Variants in KDM3A observed in about 807,000 individuals in gnomAD.
The protein encoded by KDM3A is lysine-specific demethylase 3A.
A neutral mutation model predicts 158.0 loss-of-function variants in KDM3A; 60 were observed. The observed-to-expected ratio is 0.38, with a 90% CI of 0.31 to 0.47. The LOEUF (loss-of-function observed/expected upper bound fraction) is 0.47. Among genes scored for constraint, KDM3A ranks in the 20% least tolerant of loss-of-function variants. KDM3A has a pLI of 0.99. For synonymous variants in KDM3A, 608 were observed against 549.3 expected (o/e 1.11, Z -1.49); for missense variants, 1,319 against 1,574.3 (o/e 0.84, Z 2.74).
chr2:86,470,290 T>TG lies in KDM3A; in HGVS notation c.1607dup (p.Cys536TrpfsTer10). The stretch of plus-strand genomic sequence containing the variant: ...CGAGGCCTTCGTACAGGATGATTCT[T>TG]GTGTGAACATCGTGGCACAGTTGCC... On this transcript the variant is annotated frameshift_variant, in exon 11 of 26. Coordinates refer to ENST00000312912, the MANE Select transcript of KDM3A (RefSeq NM_018433.6). LOFTEE classifies it high-confidence loss of function. 2 of 1,614,150 alleles carry TG rather than the reference T, an allele frequency of 1.2e-6. No homozygotes were observed. Among genetic ancestry groups the TG allele is most frequent in the Non-Finnish European group, 1.7e-6 (2 of 1,179,986 alleles).
chr2:86,476,100 C>G (rs898221536), intron 12 of KDM3A, among the ~76,000 whole-genome samples: 2 of 152,122 alleles, frequency 1.3e-5, no homozygotes, highest in Non-Finnish European at 2.9e-5. Context: ...CCCCTGTAGT[C>G]TGTTTAAGAC....
Position 86,486,413 on chromosome 2 carries a change from T to G in KDM3A, c.3313+554T>G, listed in dbSNP as rs533002458. The stretch of plus-strand genomic sequence containing the variant: ...TTGGTTTCTCCATTTACCAGAGCTT[T>G]CTTTCATCATCATTATAACTGAGAT... On this transcript the variant is annotated intron_variant, in intron 21 of 25. Transcript: ENST00000312912. 5.9e-5 allele frequency among the ~76,000 whole-genome samples: 9 copies of G among 152,322 alleles called. No homozygotes were observed. In the South Asian group the frequency reaches 6.2e-4, roughly 11 times the overall value.
rs1673596426 is a variant in KDM3A, at chr2:86,474,949, T to C, written c.1898T>C (p.Val633Ala). The C allele has an allele frequency of 6.2e-7, 1 of 1,613,890 alleles. No homozygotes were observed. Among genetic ancestry groups the C allele is most frequent in the African/African-American group, 1.3e-5 (1 of 74,842 alleles). The change falls in exon 12 of 26, where the codon GTG becomes GCG. Residue 633 changes from valine (V) to alanine (A), a missense_variant. Val to Ala is a moderately conservative substitution (Grantham distance 64, BLOSUM62 0). Around this residue, in one of 4 missense-constraint regions of KDM3A, gnomAD observed 113 missense variants for 190.5 expected, o/e 0.59. Transcript: ENST00000312912. ...ANIGDHFCQM[V>A]ISEKEAMSTI... ...ATTGGAGACCACTTCTGTCAAATGG[T>C]GATTTCTGAAAAGGAAGCTATGTCA...
chr2:86,489,729 A>C, intron 23 of KDM3A, 70 bp downstream of exon 23: 1 of 1,505,116 alleles, frequency 6.6e-7, no homozygotes, highest in Non-Finnish European at 8.9e-7. Flanking sequence ...CATGTGGTGA[A>C]CTGACTGGCT....
chr2:86,488,220 G>A (rs1220026197), intron 21 of KDM3A: 2 of 151,856 alleles, frequency 1.3e-5, no homozygotes, highest in Non-Finnish European at 2.9e-5. Context: ...TACATTAATT[G>A]CTTTTTTCTG....
intron 5 of KDM3A, among the ~76,000 whole-genome samples, chr2:86,455,854 G>A (rs1157867050): frequency 3.3e-5 from 5 of 151,182 alleles, no homozygotes; most frequent in African/African-American, 7.3e-5. Context: ...TACTCAGGAG[G>A]CTGAGGCAGG....
At chr2:86,472,938 C>T (rs1673483688) in intron 11 of KDM3A, among the ~76,000 whole-genome samples, 1 of 152,166 alleles carries the variant, frequency 6.6e-6, no homozygotes, top group African/African-American at 2.4e-5. Flanking sequence ...TAATTGTCTA[C>T]CTTTTCTTGC....
At chr2:86,448,241 G>A (rs116561058) in intron 2 of KDM3A, among the ~76,000 whole-genome samples, 2,062 of 152,320 alleles carry the variant, frequency 0.014, 34 homozygotes, top group Non-Finnish European at 0.021. Context: ...GAGAAGGGTA[G>A]GATAGATCTT....
intron 2 of KDM3A, among the ~76,000 whole-genome samples, chr2:86,448,924 G>T (rs929727570): frequency 1.3e-5 from 2 of 152,152 alleles, no homozygotes; most frequent in African/African-American, 4.8e-5. Flanking sequence ...AATAGGTTAA[G>T]GAAGCTGGAG....
intron 4 of KDM3A, among the ~76,000 whole-genome samples, chr2:86,452,495 A>G (rs1355237139): frequency 6.6e-6 from 1 of 152,184 alleles, no homozygotes; most frequent in East Asian, 1.9e-4. Context: ...GTATTTGTTA[A>G]TAAAACATTT....
At chr2:86,481,146 T>A (rs777053973) in intron 16 of KDM3A, among the ~76,000 whole-genome samples, 1 of 152,210 alleles carries the variant, frequency 6.6e-6, no homozygotes, top group Non-Finnish European at 1.5e-5. Flanking sequence ...TGTTAATGAT[T>A]TACAAAAAAC....
intron 16 of KDM3A, among the ~76,000 whole-genome samples, chr2:86,481,653 C>CA (rs1175881209): frequency 1.3e-5 from 2 of 152,042 alleles, no homozygotes; most frequent in Non-Finnish European, 2.9e-5. Flanking sequence ...ACAGTACATG[C>CA]AAAAAATCCA....
At chr2:86,442,954 T>A (rs997724266) in intron 2 of KDM3A, among the ~76,000 whole-genome samples, 3 of 152,144 alleles carry the variant, frequency 2.0e-5, no homozygotes, top group South Asian at 4.1e-4. Context: ...GATTTTTTTT[T>A]AAATCATTAT....
At chr2:86,462,933 C>T (rs56242451) in intron 8 of KDM3A, among the ~76,000 whole-genome samples, 20,424 of 151,956 alleles carry the variant, frequency 0.13, 1,498 homozygotes, top group Non-Finnish European at 0.16. Context: ...CTACTAAAAA[C>T]ACGAAAAACT....
chr2:86,490,714 T>C, intron 23 of KDM3A, 167 bp from the exon 24 acceptor site: 1 of 547,450 alleles, frequency 1.8e-6, no homozygotes. Flanking sequence ...TTCTGTTGGT[T>C]CATTCAGCTG....
At chr2:86,478,059 C>T (rs1439024290) in intron 13 of KDM3A, 30 bp downstream of exon 13, 2 of 1,613,538 alleles carry the variant, frequency 1.2e-6, no homozygotes, top group East Asian at 4.5e-5. Context: ...TCCTCCAGCC[C>T]CTCTACACAG....
intron 21 of KDM3A, chr2:86,488,411 C>G (rs1001583493): frequency 6.6e-6 from 1 of 152,090 alleles, no homozygotes; most frequent in Non-Finnish European, 1.5e-5. Context: ...TATGATTTCA[C>G]CCTAATACCA....
chr2:86,442,279 C>G, intron 2 of KDM3A, 46 bp downstream of exon 2: 2 of 1,531,406 alleles, frequency 1.3e-6, no homozygotes, highest in Middle Eastern at 1.7e-4. Flanking sequence ...TCGCAGTTAC[C>G]GTGGTAACGC....
chr2:86,450,997 A>T (rs1672436382), intron 3 of KDM3A, 106 bp from the exon 4 acceptor site: 4 of 646,118 alleles, frequency 6.2e-6, no homozygotes, highest in Admixed American at 6.8e-5. Context: ...AAATAAAAAA[A>T]ATTAGTGGCT....
Sources: allele counts gnomAD v4.1 joint callset (sites outside exome capture counted in the v4.1 genomes callset), GRCh38; gene constraint gnomAD v4.1.1; regional missense constraint gnomAD v4.1.1; transcripts MANE v1.5; gene names NCBI Gene and HGNC (gene_info 2026-07-23, HGNC 2026-07-21).